Variants in ADGRV1 observed in about 807,000 individuals in gnomAD.
ADGRV1 encodes the protein G-protein coupled receptor 98.
ADGRV1 carries 359 observed loss-of-function variants against 596.2 expected under a neutral mutation model. The ratio of observed to expected loss-of-function variants is 0.60; its 90% CI spans 0.55 to 0.66. ADGRV1 has a LOEUF of 0.66. Ranked by LOEUF, ADGRV1 falls within the 30% of genes least tolerant of loss-of-function variation. The pLI is 0.00. For synonymous variants in ADGRV1, 2,681 were observed against 2,679.2 expected (o/e 1.00, Z -0.02); for missense variants, 7,274 against 7,575.6 (o/e 0.96, Z 1.48).
Position 90,694,292 on chromosome 5 carries a change from A to G in ADGRV1, c.7536A>G (p.Ile2512Met), listed in dbSNP as rs1746882430. Residue 2512 changes from isoleucine to methionine, a missense_variant, in exon 33 of 90, where the codon ATA (isoleucine) becomes ATG (methionine). By Grantham distance (10) the Ile-to-Met change is conservative. Transcript: ENST00000405460. Reference protein sequence around the residue: ...DYEPVTRQWAIMQEGDEFANL... With the variant: ...DYEPVTRQWAMMQEGDEFANL... Reference sequence around the variant, plus strand: ...AGCCTGTGACAAGGCAATGGGCCATAATGCAGGAAGGTGATGAATTCGCAA... The same window carrying G: ...AGCCTGTGACAAGGCAATGGGCCATGATGCAGGAAGGTGATGAATTCGCAA... 6.2e-7 allele frequency: 1 copy of G among 1,613,872 alleles called. No individual in the cohort carries two copies. Among genetic ancestry groups the G allele is most frequent in the African/African-American group, 1.3e-5 (1 of 74,938 alleles).
chr5:91,083,994 C>T (rs72784660), intron 86 of ADGRV1, among the ~76,000 whole-genome samples: 6,692 of 152,058 alleles, frequency 0.044, 176 homozygotes, highest in Middle Eastern at 0.078. Context: ...TTTGCTTATA[C>T]CATCATTTTC....
chr5:90,944,966 A>G (rs1464120551), intron 83 of ADGRV1, among the ~76,000 whole-genome samples: 1 of 152,210 alleles, frequency 6.6e-6, no homozygotes, highest in African/African-American at 2.4e-5. Context: ...ATTTCTAAGC[A>G]CTTAAAAGAT....
chr5:91,087,541 A>T (rs888320777), intron 86 of ADGRV1, among the ~76,000 whole-genome samples: 1 of 151,726 alleles, frequency 6.6e-6, no homozygotes, highest in African/African-American at 2.4e-5. Context: ...ACCTGAGGTG[A>T]TCCACCTGCC....
intron 85 of ADGRV1, among the ~76,000 whole-genome samples, chr5:91,028,903 AG>A (rs1345282008): frequency 6.6e-6 from 1 of 151,900 alleles, no homozygotes; most frequent in Non-Finnish European, 1.5e-5. Flanking sequence ...CATGTGGCTA[AG>A]TTTTTTTTAT....
intron 2 of ADGRV1, 22 bp from the exon 3 acceptor site, chr5:90,617,782 A>G (rs778316483): frequency 6.4e-7 from 1 of 1,571,402 alleles, no homozygotes; most frequent in East Asian, 2.3e-5. Context: ...AATAAGAATG[A>G]TCTATATTTT....
At chr5:90,949,800 A>G (rs1028921974) in intron 83 of ADGRV1, among the ~76,000 whole-genome samples, 8 of 152,240 alleles carry the variant, frequency 5.3e-5, no homozygotes, top group African/African-American at 1.7e-4. Flanking sequence ...GCTGTAAGAC[A>G]AGGTATATTA....
At chr5:91,000,935 T>C (rs1342166051) in intron 85 of ADGRV1, among the ~76,000 whole-genome samples, 1 of 152,122 alleles carries the variant, frequency 6.6e-6, no homozygotes, top group Non-Finnish European at 1.5e-5. Flanking sequence ...ACTAATTGGA[T>C]AAGGCCCACC....
intron 77 of ADGRV1, 140 bp downstream of exon 77, chr5:90,829,326 T>G: frequency 1.3e-6 from 1 of 753,834 alleles, no homozygotes; most frequent in Non-Finnish European, 2.0e-6. Context: ...ACATTAAGCT[T>G]TATCCTTGAA....
intron 87 of ADGRV1, among the ~76,000 whole-genome samples, chr5:91,108,939 A>C (rs2126681889): frequency 6.6e-6 from 1 of 152,178 alleles, no homozygotes; most frequent in Non-Finnish European, 1.5e-5. Flanking sequence ...TAAGTAAGAA[A>C]ATCTTGATCA....
At chr5:90,606,340 C>T (rs1345908928) in intron 1 of ADGRV1, among the ~76,000 whole-genome samples, 1 of 152,192 alleles carries the variant, frequency 6.6e-6, no homozygotes, top group South Asian at 2.1e-4. Flanking sequence ...TATTTCTTTA[C>T]TTGTTTTTTC....
chr5:90,807,044 G>T (rs1420549316), intron 72 of ADGRV1, among the ~76,000 whole-genome samples: 1 of 151,878 alleles, frequency 6.6e-6, no homozygotes, highest in African/African-American at 2.4e-5. Context: ...GTACAGATGG[G>T]GTTTCACCAT....
At chr5:90,991,045 C>T (rs141369670) in intron 85 of ADGRV1, among the ~76,000 whole-genome samples, 29 of 152,234 alleles carry the variant, frequency 1.9e-4, no homozygotes, top group Admixed American at 5.2e-4. Context: ...GAGAATATGC[C>T]TTTTATCTGG....
chr5:90,741,675 A>C lies in ADGRV1; in HGVS notation c.10550-3371A>C, dbSNP rs1399491906. Among the ~76,000 whole-genome samples, 5 of 152,216 alleles carry C rather than the reference A, an allele frequency of 3.3e-5. No homozygotes were observed. The South Asian group carries it at 8.3e-4, about 25-fold the overall frequency. On this transcript the variant is annotated intron_variant, in intron 50 of 89. Coordinates refer to ENST00000405460, the MANE Select transcript of ADGRV1 (RefSeq NM_032119.4). ...GCATACTTTCTAAAAGAATTTGCAA[A>C]AAATTCTGCCAGAGACTTATTAAAG...
At chr5:91,039,611 G>T (rs1785173625) in intron 85 of ADGRV1, among the ~76,000 whole-genome samples, 1 of 152,184 alleles carries the variant, frequency 6.6e-6, no homozygotes, top group Admixed American at 6.5e-5. Context: ...GGATGGGCAT[G>T]CAAACAAACA....
chr5:90,815,448 T>C (rs969523592), intron 74 of ADGRV1, among the ~76,000 whole-genome samples, 171 bp from the exon 75 acceptor site: 1 of 152,232 alleles, frequency 6.6e-6, no homozygotes, highest in Non-Finnish European at 1.5e-5. Flanking sequence ...GACACCTTGA[T>C]GTTATCACAG....
At chr5:90,754,848 T>C in intron 54 of ADGRV1, 135 bp from the exon 55 acceptor site, 1 of 628,754 alleles carries the variant, frequency 1.6e-6, no homozygotes, top group Non-Finnish European at 2.8e-6. Flanking sequence ...CTTGGGAGTA[T>C]ACATTGTCTT....
At chr5:90,883,879 C>T (rs1561893219) in intron 83 of ADGRV1, among the ~76,000 whole-genome samples, 1 of 152,136 alleles carries the variant, frequency 6.6e-6, no homozygotes, top group Non-Finnish European at 1.5e-5. Context: ...CCCCAGTGAG[C>T]TGGAAGGTTG....
At position 90,788,139 on chromosome 5, in the gene ADGRV1, C is replaced by T. The variant is rs367768061; in HGVS notation, c.13722C>T (p.Asp4574=). The T allele has an allele frequency of 4.3e-5, 70 of 1,613,498 alleles. No individual in the cohort carries two copies. In the African/African-American group the frequency reaches 8.3e-4, roughly 19 times the overall value. The change falls in exon 68 of 90, where the codon GAC becomes GAT. Residue 4574 remains aspartate, a synonymous_variant. Coordinates refer to ENST00000405460, the MANE Select transcript of ADGRV1 (RefSeq NM_032119.4). ...TGCCACAGAATAGAGACATTGCAGA[C>T]CCAGTGAGCGGGTTGTTCTATTTTG... The part of the protein sequence containing the change: ...ALLPQNRDIA[D]PVSGLFYFGE...
intron 83 of ADGRV1, among the ~76,000 whole-genome samples, chr5:90,901,308 A>G (rs1008042308): frequency 6.6e-6 from 1 of 152,140 alleles, no homozygotes; most frequent in Non-Finnish European, 1.5e-5. Flanking sequence ...CTTAGTCCTG[A>G]CCTTACTTGG....
Sources: allele counts gnomAD v4.1 joint callset (sites outside exome capture counted in the v4.1 genomes callset), GRCh38; gene constraint gnomAD v4.1.1; transcripts MANE v1.5; gene names NCBI Gene and HGNC (gene_info 2026-07-23, HGNC 2026-07-21).